PKD2: variants seen among roughly 807,000 people sequenced by gnomAD.
PKD2 encodes polycystin 2, transient receptor potential cation channel.
PKD2 carries 48 observed loss-of-function variants against 105.9 expected under a neutral mutation model. That is an observed-to-expected ratio of 0.45 (90% CI 0.36 to 0.58). The LOEUF is 0.58. Among genes scored for constraint, PKD2 ranks in the 20% least tolerant of loss-of-function variants. The pLI is 0.00. For synonymous variants in PKD2, 464 were observed against 481.1 expected (o/e 0.96, Z 0.46); for missense variants, 1,078 against 1,255.3 (o/e 0.86, Z 2.13).
At chr4:88,068,454 T>A (rs1720878966) in intron 13 of PKD2, among the ~76,000 whole-genome samples, 1 of 146,360 alleles carries the variant, frequency 6.8e-6, no homozygotes, top group Admixed American at 6.7e-5. Context: ...TGGGCGACAG[T>A]GCAAGACTCT....
intron 1 of PKD2, among the ~76,000 whole-genome samples, chr4:88,018,231 C>T (rs1726625444): frequency 6.6e-6 from 1 of 151,810 alleles, no homozygotes; most frequent in South Asian, 2.1e-4. Flanking sequence ...TGCTGATTTT[C>T]CTAAAGGACA....
chr4:88,062,605 C>T (rs1370535261), intron 10 of PKD2, among the ~76,000 whole-genome samples: 1 of 152,186 alleles, frequency 6.6e-6, no homozygotes, highest in Non-Finnish European at 1.5e-5. Flanking sequence ...CTTTGTTCTT[C>T]TCAATGTAAC....
At chr4:88,019,857 G>T (rs554203347) in intron 2 of PKD2, among the ~76,000 whole-genome samples, 2 of 152,172 alleles carry the variant, frequency 1.3e-5, no homozygotes, top group Non-Finnish European at 2.9e-5. Context: ...ATATAAGAAA[G>T]AATTTTTCTA....
At position 88,029,587 on chromosome 4, in the gene PKD2, G is replaced by C. The variant is rs567179288; in HGVS notation, c.710-6633G>C. Among the ~76,000 whole-genome samples, 129 of 151,620 alleles carry C rather than the reference G, an allele frequency of 8.5e-4. 1 individual carries two copies. Among genetic ancestry groups the C allele is most frequent in the Admixed American group, 4.6e-3 (70 of 15,130 alleles). On this transcript the variant is annotated intron_variant, in intron 2 of 14. Coordinates refer to ENST00000237596, the MANE Select transcript of PKD2 (RefSeq NM_000297.4). ...TGCCTCATCAGAGGCTCTCTAATCT[G>C]TCTTCTTTCCTATATCGCTCTTGTC...
Position 88,068,437 on chromosome 4 carries a change from A to T in PKD2, c.2522+376A>T, listed in dbSNP as rs568683911. On this transcript the variant is annotated intron_variant, in intron 13 of 14. Coordinates refer to ENST00000237596, the MANE Select transcript of PKD2 (RefSeq NM_000297.4). Reference sequence around the variant, plus strand: ...GAGAGCCGAGATGGCTCCACTGCACACCAGCCTGGGCGACAGTGCAAGACT... The same window carrying T: ...GAGAGCCGAGATGGCTCCACTGCACTCCAGCCTGGGCGACAGTGCAAGACT... Among the ~76,000 whole-genome samples, 397 of 151,660 alleles carry T rather than the reference A, an allele frequency of 2.6e-3. 3 individuals are homozygous for T. The highest frequency in any genetic ancestry group is 8.2e-3 in the African/African-American group (337 of 41,244).
intron 2 of PKD2, among the ~76,000 whole-genome samples, chr4:88,028,904 A>G (rs1408531299): frequency 1.3e-5 from 2 of 152,194 alleles, no homozygotes; most frequent in East Asian, 1.9e-4. Flanking sequence ...ATACTAGCCA[A>G]TACTACCATT....
chr4:88,028,123 C>A (rs11943680), intron 2 of PKD2, among the ~76,000 whole-genome samples: 3 of 152,016 alleles, frequency 2.0e-5, no homozygotes, highest in Non-Finnish European at 4.4e-5. Flanking sequence ...CAGGAAGAGC[C>A]CTTTTAAGAA....
In PKD2 at chr4:88,007,660, A is replaced by G; in HGVS notation, c.-74A>G. ...AGGCGGCGGCGGGCGCCGGGAAGAA[A>G]GGAACATGGCTCCTGAGGCGCACAG... is the stretch of plus-strand genomic sequence containing the variant. On this transcript the variant is annotated 5_prime_UTR_variant, in exon 1 of 15. Coordinates refer to ENST00000237596, the MANE Select transcript of PKD2 (RefSeq NM_000297.4). The G allele has an allele frequency of 1.0e-6, 1 of 997,798 alleles. No homozygotes were observed. Among genetic ancestry groups the G allele is most frequent in the Non-Finnish European group, 1.2e-6 (1 of 821,300 alleles). The allele number at this position is 997,798 out of a possible 1,614,324, so 61.8% of individuals were successfully genotyped here. A position where few individuals can be genotyped will look rare whatever the true frequency, so the allele number is the denominator to read the frequency against.
chr4:88,027,999 A>G (rs1357869691), intron 2 of PKD2, among the ~76,000 whole-genome samples: 1 of 152,254 alleles, frequency 6.6e-6, no homozygotes, highest in South Asian at 2.1e-4. Flanking sequence ...TAGCAGTATG[A>G]AAATGGACTA....
intron 1 of PKD2, among the ~76,000 whole-genome samples, chr4:88,017,599 A>C (rs1416519352): frequency 2.0e-5 from 3 of 152,084 alleles, no homozygotes; most frequent in Non-Finnish European, 1.5e-5. Flanking sequence ...TAGTAGAGAC[A>C]GGGTTTCACC....
rs751242369 is a variant in PKD2, at chr4:88,075,694, ATATGTGTGTTTCAG to A, written c.*13_*26del. The A allele has an allele frequency of 1.9e-6, 3 of 1,597,458 alleles. No individual in the cohort carries two copies. Among genetic ancestry groups the A allele is most frequent in the African/African-American group, 2.7e-5 (2 of 74,570 alleles). On this transcript the variant is annotated 3_prime_UTR_variant, in exon 15 of 15. Coordinates refer to ENST00000237596, the MANE Select transcript of PKD2 (RefSeq NM_000297.4). ...ATGGGAGTTCTAATGTCCACGTATG[ATATGTGTGTTTCAG>A]TATGTGTGTTTCTAATAAGTGAGGA...
intron 12 of PKD2, among the ~76,000 whole-genome samples, chr4:88,066,173 CACAT>C (rs1008622753): frequency 6.6e-6 from 1 of 151,894 alleles, no homozygotes; most frequent in African/African-American, 2.4e-5. Flanking sequence ...TTCATAAAAA[CACAT>C]ATGCTTATTA....
chr4:88,007,901 GC>G lies in PKD2; in HGVS notation c.169del (p.Gln57SerfsTer60). 1 of 1,420,542 alleles carries G rather than the reference GC, an allele frequency of 7.0e-7. No homozygotes were observed. Among genetic ancestry groups the G allele is most frequent in the Non-Finnish European group, 9.2e-7 (1 of 1,081,742 alleles). The allele number at this position is 1,420,542 out of a possible 1,614,324, so 88.0% of individuals were successfully genotyped here. A position where few individuals can be genotyped will look rare whatever the true frequency, so the allele number is the denominator to read the frequency against. On this transcript the variant is annotated frameshift_variant, in exon 1 of 15. Coordinates refer to ENST00000237596, the MANE Select transcript of PKD2 (RefSeq NM_000297.4). LOFTEE classifies it high-confidence loss of function. ...CEQRGLEIEM[Q>X]RIRQAAARDP... ...AGCAGCGGGGCCTGGAGATCGAGAT[GC>G]AGCGCATCCGGCAGGCGGCCGCGCG...
Position 88,074,824 on chromosome 4 carries a change from A to C in PKD2, c.2535A>C (p.Arg845=). 1 of 1,614,066 alleles carries C rather than the reference A, an allele frequency of 6.2e-7. No homozygotes were observed. The highest frequency in any genetic ancestry group is 8.5e-7 in the Non-Finnish European group (1 of 1,179,954). Residue 845 remains arginine (R), a synonymous_variant, in exon 14 of 15, where the codon CGA becomes CGC. Transcript: ENST00000237596. ...GTTTTCCTTGCAGCCTGGTGAGACG[A>C]GTGGACCGGATGGAGCATTCCATCG... ...SYEEFQVLVR[R]VDRMEHSIGS... is the part of the protein sequence containing the mutation.
intron 9 of PKD2, among the ~76,000 whole-genome samples, chr4:88,059,467 C>G (rs975086043): frequency 6.6e-6 from 1 of 152,056 alleles, no homozygotes; most frequent in Non-Finnish European, 1.5e-5. Flanking sequence ...CTCAGGCCAC[C>G]TAGTTTTCTC....
At chr4:88,053,078 A>C (rs1357935745) in intron 7 of PKD2, among the ~76,000 whole-genome samples, 1 of 152,192 alleles carries the variant, frequency 6.6e-6, no homozygotes, top group Non-Finnish European at 1.5e-5. Flanking sequence ...CCATTCGGTC[A>C]CCAGCACAGG....
At chr4:88,059,506 A>T (rs1048794677) in intron 9 of PKD2, among the ~76,000 whole-genome samples, 3 of 152,112 alleles carry the variant, frequency 2.0e-5, no homozygotes, top group African/African-American at 7.2e-5. Context: ...ACAAGGATGG[A>T]TAGAGTCGTG....
rs189200361 is a variant in PKD2 at position 88,070,871 on chromosome 4, G to T, written c.2522+2810G>T. Among the ~76,000 whole-genome samples, 837 of 152,112 alleles carry T rather than the reference G, an allele frequency of 5.5e-3. 1 individual carries two copies. Among genetic ancestry groups the T allele is most frequent in the Non-Finnish European group, 9.3e-3 (634 of 68,010 alleles). On this transcript the variant is annotated intron_variant, in intron 13 of 14. Coordinates refer to ENST00000237596, the MANE Select transcript of PKD2 (RefSeq NM_000297.4). ...GTTGGTCTCAAACTCCCGGCCTCAA[G>T]TGATCCTTCCGCCTCGGCCTCCCAA...
intron 5 of PKD2, among the ~76,000 whole-genome samples, chr4:88,044,381 G>A (rs1727692636): frequency 6.6e-6 from 1 of 152,038 alleles, no homozygotes; most frequent in South Asian, 2.1e-4. Flanking sequence ...AAGATAAGAA[G>A]TGTTTATTCT....
Sources: allele counts gnomAD v4.1 joint callset (sites outside exome capture counted in the v4.1 genomes callset), GRCh38; gene constraint gnomAD v4.1.1; transcripts MANE v1.5; gene names NCBI Gene and HGNC (gene_info 2026-07-23, HGNC 2026-07-21).